Variants in CCDC127 observed in about 807,000 individuals in gnomAD.
The protein encoded by CCDC127 is coiled-coil domain containing 127.
A neutral mutation model predicts 4.1 loss-of-function variants in CCDC127; 2 were observed. The ratio of observed to expected loss-of-function variants is 0.49; its 90% CI spans 0.20 to 1.53. The LOEUF (loss-of-function observed/expected upper bound fraction) is 1.53. Ranked by LOEUF, CCDC127 falls within the 40% of genes most tolerant of loss-of-function variation. CCDC127 has a pLI of 0.23. For missense variants in CCDC127, 271 were observed against 322.9 expected (o/e 0.84, Z 1.23); for synonymous variants, 98 against 120.4 (o/e 0.81, Z 1.22).
Position 205,172 on chromosome 5 carries a change from C to A in CCDC127, c.*125G>T, listed in dbSNP as rs948427759. 5.9e-6 allele frequency: 5 copies of A among 843,812 alleles called. No homozygotes were observed. The highest frequency in any genetic ancestry group is 5.5e-6 in the Non-Finnish European group (3 of 543,422). The allele number at this position is 843,812 out of a possible 1,614,324, so 52.3% of individuals were successfully genotyped here. A position where few individuals can be genotyped will look rare whatever the true frequency, so the allele number is the denominator to read the frequency against. ...CTCAGACGGTGGCGGGAGTGGAGGTCGCTGCTGAAGGGTGACGGTGTGGCC... is the reference window on the plus strand; with the variant it reads ...CTCAGACGGTGGCGGGAGTGGAGGTAGCTGCTGAAGGGTGACGGTGTGGCC... On this transcript the variant is annotated 3_prime_UTR_variant, in exon 3 of 3. Transcript: ENST00000296824.
rs961301933 is a variant in CCDC127, at chr5:198,975, G to A, written c.*6322C>T. ...GGTGGCTGTAGCTGGGGCTGCTCCTGGCGGAGCCTCAGGGTTCACCTGCCC... is the reference window on the plus strand; with the variant it reads ...GGTGGCTGTAGCTGGGGCTGCTCCTAGCGGAGCCTCAGGGTTCACCTGCCC... On this transcript the variant is annotated 3_prime_UTR_variant, in exon 3 of 3. Coordinates refer to ENST00000296824, the MANE Select transcript of CCDC127 (RefSeq NM_145265.3). 2 of 152,332 alleles carry A rather than the reference G, an allele frequency of 1.3e-5. No individual in the cohort carries two copies. Among genetic ancestry groups the A allele is most frequent in the African/African-American group, 4.8e-5 (2 of 41,476 alleles). 9.4% of individuals were successfully genotyped at this position (152,332 alleles called of 1,614,324 possible). A position where few individuals can be genotyped will look rare whatever the true frequency, so the allele number is the denominator to read the frequency against.
At chr5:214,283 T>C (rs1449142627) in intron 2 of CCDC127, 1 of 152,176 alleles carries the variant, frequency 6.6e-6, no homozygotes, top group Admixed American at 6.5e-5. Context: ...CACTATCGTT[T>C]TGCAGATGCT....
rs972473870 is a variant in CCDC127, at chr5:200,895, C to T, written c.*4402G>A. The T allele has an allele frequency of 8.5e-5, 9 of 106,500 alleles. No individual in the cohort carries two copies. Among genetic ancestry groups the T allele is most frequent in the South Asian group, 2.6e-4 (1 of 3,806 alleles). 6.6% of individuals were successfully genotyped at this position (106,500 alleles called of 1,614,324 possible). On this transcript the variant is annotated 3_prime_UTR_variant, in exon 3 of 3. Transcript: ENST00000296824. ...GCCAGCGTCTACACAGCAGGCTGCC[C>T]CCATCACAGCTAGCCAGCGTCTACA...
Position 203,392 on chromosome 5 carries a change from C to T in CCDC127, c.*1905G>A, listed in dbSNP as rs1734107959. Reference sequence around the variant, plus strand: ...CTGCCTGGGTGAAGCATCTGAGCACCCTTAGCAGGGCGTGGGTGCCGAGAG... The same window carrying T: ...CTGCCTGGGTGAAGCATCTGAGCACTCTTAGCAGGGCGTGGGTGCCGAGAG... On this transcript the variant is annotated 3_prime_UTR_variant, in exon 3 of 3. Coordinates refer to ENST00000296824, the MANE Select transcript of CCDC127 (RefSeq NM_145265.3). The T allele has an allele frequency of 1.3e-5, 2 of 152,196 alleles. No individual in the cohort carries two copies. The highest frequency in any genetic ancestry group is 2.1e-4 in the South Asian group (1 of 4,826). 9.4% of individuals were successfully genotyped at this position (152,196 alleles called of 1,614,324 possible).
rs934808317 is a variant in CCDC127 at position 197,289 on chromosome 5, C to T, written c.*8008G>A. 1 of 152,188 alleles carries T rather than the reference C, an allele frequency of 6.6e-6. No individual in the cohort carries two copies. The highest frequency in any genetic ancestry group is 1.5e-5 in the Non-Finnish European group (1 of 68,048). The allele number at this position is 152,188 out of a possible 1,614,324, so 9.4% of individuals were successfully genotyped here. A position where few individuals can be genotyped will look rare whatever the true frequency, so the allele number is the denominator to read the frequency against. The stretch of plus-strand genomic sequence containing the variant: ...CCAGCGGCGAGCAGGAGACAGTGGA[C>T]TTCTCTCTCTCAACTGCAAGAGGCT... On this transcript the variant is annotated 3_prime_UTR_variant, in exon 3 of 3. Transcript: ENST00000296824.
In CCDC127 at chr5:197,745, TAG is replaced by T. The variant is rs1733993944; in HGVS notation, c.*7550_*7551del. The T allele has an allele frequency of 6.4e-6, 1 of 155,772 alleles. No homozygotes were observed. Among genetic ancestry groups the T allele is most frequent in the Non-Finnish European group, 1.4e-5 (1 of 71,166 alleles). The allele number at this position is 155,772 out of a possible 1,614,324, so 9.6% of individuals were successfully genotyped here. ...GAGTCTCATGTCTTCCCTTTCTACA[TAG>T]ACACAGTGACAGTCTGATCTCTCTT... On this transcript the variant is annotated 3_prime_UTR_variant, in exon 3 of 3. Coordinates refer to ENST00000296824, the MANE Select transcript of CCDC127 (RefSeq NM_145265.3).
In CCDC127 at chr5:204,792, G is replaced by A. The variant is rs1734135589; in HGVS notation, c.*505C>T. Reference sequence around the variant, plus strand: ...GGTATTTCCCCTTTATGGAGTGAGAGAGATCTTTAAAATATAAACCCTTGA... The same window carrying A: ...GGTATTTCCCCTTTATGGAGTGAGAAAGATCTTTAAAATATAAACCCTTGA... On this transcript the variant is annotated 3_prime_UTR_variant, in exon 3 of 3. Transcript: ENST00000296824. 6.6e-6 allele frequency: 1 copy of A among 152,452 alleles called. No homozygotes were observed. Among genetic ancestry groups the A allele is most frequent in the Non-Finnish European group, 1.5e-5 (1 of 68,242 alleles). The allele number at this position is 152,452 out of a possible 1,614,324, so 9.4% of individuals were successfully genotyped here.
intron 1 of CCDC127, chr5:217,130 C>T (rs538739591): frequency 1.8e-4 from 34 of 189,958 alleles, no homozygotes; most frequent in Middle Eastern, 1.8e-3. Flanking sequence ...ACTCCGTCCC[C>T]CCCAAAAAAA....
At chr5:208,668 C>A (rs1018677790) in intron 2 of CCDC127, among the ~76,000 whole-genome samples, 1 of 152,230 alleles carries the variant, frequency 6.6e-6, no homozygotes, top group Non-Finnish European at 1.5e-5. Flanking sequence ...CCATCCTTTC[C>A]TCGGGGGCCC....
chr5:209,088 T>G (rs1009154583), intron 2 of CCDC127, among the ~76,000 whole-genome samples: 2 of 151,932 alleles, frequency 1.3e-5, no homozygotes, highest in African/African-American at 4.8e-5. Context: ...GAATCAGGAC[T>G]CCCCCACAAA....
chr5:209,801 A>G (rs754920367), intron 2 of CCDC127, among the ~76,000 whole-genome samples: 1 of 152,276 alleles, frequency 6.6e-6, no homozygotes, highest in Non-Finnish European at 1.5e-5. Context: ...CAGAGACAAA[A>G]GACGGGTTCA....
In CCDC127 at chr5:205,378, C is replaced by T. The variant is rs1560974513; in HGVS notation, c.702G>A (p.Met234Ile). Residue 234 changes from methionine to isoleucine, a missense_variant, in exon 3 of 3, where the codon ATG becomes ATA. By Grantham distance (10) the Met-to-Ile change is conservative. This residue lies in a region of CCDC127 where 265 missense variants were observed against 270.9 expected (regional missense o/e 0.98). Transcript: ENST00000296824. The stretch of plus-strand genomic sequence containing the variant: ...GTTCCCAGTATTTGAGATAGAGCCA[C>T]ATGAGTCTGCCATTCTGGCGTTTGT... ...NTNKRQNGRLMWLYLKYWELV... is the reference protein window; with the variant it reads ...NTNKRQNGRLIWLYLKYWELV... The T allele has an allele frequency of 6.2e-7, 1 of 1,614,252 alleles. No individual in the cohort carries two copies. The highest frequency in any genetic ancestry group is 1.1e-5 in the South Asian group (1 of 91,088).
chr5:205,392 T>G lies in CCDC127; in HGVS notation c.688A>C (p.Asn230His). The G allele has an allele frequency of 6.2e-6, 10 of 1,614,244 alleles. No individual in the cohort carries two copies. The highest frequency in any genetic ancestry group is 8.5e-6 in the Non-Finnish European group (10 of 1,180,046). ...AGATAGAGCCACATGAGTCTGCCAT[T>G]CTGGCGTTTGTTGGTGTTCCAGACA... is the stretch of plus-strand genomic sequence containing the variant. Reference protein sequence around the residue: ...GDVWNTNKRQNGRLMWLYLKY... With the variant: ...GDVWNTNKRQHGRLMWLYLKY... Residue 230 changes from asparagine to histidine, a missense_variant, in exon 3 of 3, where the codon AAT becomes CAT. Asn to His is a moderately conservative substitution (Grantham distance 68). This residue lies in a region of CCDC127 where 265 missense variants were observed against 270.9 expected (regional missense o/e 0.98). Transcript: ENST00000296824.
Position 198,212 on chromosome 5 carries a change from C to T in CCDC127, c.*7085G>A, listed in dbSNP as rs1477806980. 5 of 152,318 alleles carry T rather than the reference C, an allele frequency of 3.3e-5. No individual in the cohort carries two copies. Among genetic ancestry groups the T allele is most frequent in the African/African-American group, 9.6e-5 (4 of 41,472 alleles). The allele number at this position is 152,318 out of a possible 1,614,324, so 9.4% of individuals were successfully genotyped here. A position where few individuals can be genotyped will look rare whatever the true frequency, so the allele number is the denominator to read the frequency against. Reference sequence around the variant, plus strand: ...CACTCCCCACATTCGTCTCTGCCTGCTCTGCAACCACCTAAGTGCTCTCTG... The same window carrying T: ...CACTCCCCACATTCGTCTCTGCCTGTTCTGCAACCACCTAAGTGCTCTCTG... On this transcript the variant is annotated 3_prime_UTR_variant, in exon 3 of 3. Transcript: ENST00000296824.
chr5:204,546 A>C lies in CCDC127; in HGVS notation c.*751T>G, dbSNP rs1734130547. ...TTACTCATAAATGGCAAGTATTTTGAGTATATATCATTGCTAATAAGTATC... is the reference window on the plus strand; with the variant it reads ...TTACTCATAAATGGCAAGTATTTTGCGTATATATCATTGCTAATAAGTATC... On this transcript the variant is annotated 3_prime_UTR_variant, in exon 3 of 3. Transcript: ENST00000296824. 1 of 152,268 alleles carries C rather than the reference A, an allele frequency of 6.6e-6. No homozygotes were observed. The highest frequency in any genetic ancestry group is 2.1e-4 in the South Asian group (1 of 4,836). 9.4% of individuals were successfully genotyped at this position (152,268 alleles called of 1,614,324 possible).
In CCDC127 at chr5:201,729, A is replaced by G. The variant is rs1291089803; in HGVS notation, c.*3568T>C. ...GCCTTCGAACTTCATTCCAAAGTCA[A>G]GTCTGAAGCAAGCGAAATTAGAAAG... On this transcript the variant is annotated 3_prime_UTR_variant, in exon 3 of 3. Transcript: ENST00000296824. 1 of 152,232 alleles carries G rather than the reference A, an allele frequency of 6.6e-6. No individual in the cohort carries two copies. Among genetic ancestry groups the G allele is most frequent in the Non-Finnish European group, 1.5e-5 (1 of 68,050 alleles). 9.4% of individuals were successfully genotyped at this position (152,232 alleles called of 1,614,324 possible). A position where few individuals can be genotyped will look rare whatever the true frequency, so the allele number is the denominator to read the frequency against.
At chr5:217,354 T>C in intron 1 of CCDC127, 1 of 157,220 alleles carries the variant, frequency 6.4e-6, no homozygotes, top group Admixed American at 6.1e-5. Context: ...CTCAGATACA[T>C]GGTTAAGCAT....
intron 2 of CCDC127, among the ~76,000 whole-genome samples, chr5:206,332 G>A (rs576037763): frequency 4.0e-5 from 6 of 148,196 alleles, no homozygotes; most frequent in East Asian, 1.9e-4. Flanking sequence ...GCCCGGTGGC[G>A]ACTAGTAAAC....
intron 2 of CCDC127, chr5:215,538 T>C (rs1246874955): frequency 1.3e-5 from 2 of 152,060 alleles, no homozygotes; most frequent in Non-Finnish European, 2.9e-5. Flanking sequence ...CCTCTCCAAG[T>C]GTTAAGGGTT....
Sources: gnomAD v4.1 joint callset for allele counts (sites outside exome capture counted in the v4.1 genomes callset) on GRCh38, gnomAD v4.1.1 for gene constraint, gnomAD v4.1.1 regional missense constraint, MANE v1.5 for transcripts, NCBI Gene and HGNC (gene_info 2026-07-23, HGNC 2026-07-21) for gene names.